LRRC3B: variants seen among roughly 807,000 people sequenced by gnomAD.
LRRC3B encodes leucine-rich repeat-containing protein 3B.
Under a neutral mutation model 12.8 loss-of-function variants are expected in LRRC3B, and 2 were observed. The observed-to-expected ratio is 0.16, with a 90% confidence interval of 0.06 to 0.49. The LOEUF is 0.49. Ranked by LOEUF, LRRC3B falls within the 20% of genes least tolerant of loss-of-function variation. The probability of loss-of-function intolerance (pLI) is 0.96; values close to 1 mark genes in which losing one functional copy is unlikely to be tolerated. For synonymous variants in LRRC3B, 132 were observed against 122.0 expected (o/e 1.08, Z -0.54); for missense variants, 189 against 319.4 (o/e 0.59, Z 3.11).
At chr3:26,643,015 C>CAAA (rs745665933) in intron 1 of LRRC3B, among the ~76,000 whole-genome samples, 3 of 142,548 alleles carry the variant, frequency 2.1e-5, no homozygotes, top group African/African-American at 8.0e-5. Context: ...GACTCCGTTT[C>CAAA]AAAAAAAAAA....
intron 1 of LRRC3B, among the ~76,000 whole-genome samples, chr3:26,653,082 C>T (rs1353448770): frequency 7.0e-6 from 1 of 142,038 alleles, no homozygotes; most frequent in African/African-American, 2.8e-5. Flanking sequence ...AAACCTTAGG[C>T]TGAGCTTGTG....
chr3:26,638,526 C>T (rs1698952535), intron 1 of LRRC3B, among the ~76,000 whole-genome samples: 1 of 152,022 alleles, frequency 6.6e-6, no homozygotes, highest in Non-Finnish European at 1.5e-5. Context: ...AAGTGTGAAT[C>T]AATACCTGAT....
intron 1 of LRRC3B, among the ~76,000 whole-genome samples, chr3:26,671,373 T>TAG (rs1195473054): frequency 0.014 from 400 of 28,258 alleles, 32 homozygotes; most frequent in African/African-American, 0.024. Context: ...TATATATATA[T>TAG]AGAGAGAGAG....
intron 1 of LRRC3B, among the ~76,000 whole-genome samples, chr3:26,634,619 T>G (rs1309870967): frequency 1.3e-5 from 2 of 152,192 alleles, no homozygotes; most frequent in African/African-American, 4.8e-5. Flanking sequence ...GGGGGAGGAT[T>G]CTCTGAAAAA....
intron 1 of LRRC3B, among the ~76,000 whole-genome samples, chr3:26,682,946 A>T (rs533280480): frequency 6.6e-6 from 1 of 152,222 alleles, no homozygotes; most frequent in African/African-American, 2.4e-5. Flanking sequence ...TTTCTCTCAC[A>T]GGCATTCTGC....
At chr3:26,700,518 T>G (rs1256113781) in intron 1 of LRRC3B, among the ~76,000 whole-genome samples, 2 of 152,202 alleles carry the variant, frequency 1.3e-5, no homozygotes, top group Non-Finnish European at 2.9e-5. Flanking sequence ...ATGTCCACTA[T>G]GTGTAATTGA....
intron 1 of LRRC3B, among the ~76,000 whole-genome samples, chr3:26,648,208 G>A (rs539173257): frequency 1.1e-3 from 167 of 151,976 alleles, no homozygotes; most frequent in Non-Finnish European, 2.1e-3. Flanking sequence ...AATTGTGGAG[G>A]GAAAGAAAGG....
intron 1 of LRRC3B, among the ~76,000 whole-genome samples, chr3:26,631,695 G>C (rs28694000): frequency 2.6e-5 from 4 of 151,210 alleles, no homozygotes; most frequent in African/African-American, 9.9e-5. Context: ...TGACCTTGTA[G>C]GGGTGGCAAC....
intron 1 of LRRC3B, among the ~76,000 whole-genome samples, chr3:26,682,088 C>T (rs909393237): frequency 6.6e-6 from 1 of 152,124 alleles, no homozygotes; most frequent in Non-Finnish European, 1.5e-5. Context: ...CCCTCTCTCT[C>T]TCAGAATAAC....
At chr3:26,691,105 G>GTATATATATATATA (rs1553605090) in intron 1 of LRRC3B, among the ~76,000 whole-genome samples, 2,479 of 84,598 alleles carry the variant, frequency 0.029, 89 homozygotes, top group East Asian at 0.048. Flanking sequence ...GTGTGTGTGT[G>GTATATATATATATA]TATATATATA....
intron 1 of LRRC3B, among the ~76,000 whole-genome samples, chr3:26,690,163 G>T (rs975112031): frequency 3.9e-5 from 6 of 152,152 alleles, no homozygotes; most frequent in Non-Finnish European, 7.3e-5. Context: ...TAGCAATTTG[G>T]TCATGATTCT....
intron 1 of LRRC3B, among the ~76,000 whole-genome samples, chr3:26,659,464 T>C (rs1306004696): frequency 6.6e-6 from 1 of 152,196 alleles, no homozygotes; most frequent in African/African-American, 2.4e-5. Flanking sequence ...AAAGTTTAAA[T>C]AAGATAATAC....
intron 1 of LRRC3B, among the ~76,000 whole-genome samples, chr3:26,646,755 CCT>C (rs1206515930): frequency 6.6e-6 from 1 of 151,994 alleles, no homozygotes; most frequent in Non-Finnish European, 1.5e-5. Context: ...TTCTATTTCC[CCT>C]GTTTCCACCT....
chr3:26,636,824 CCCTCCCTCCCTCCCTG>C (rs1164633517), intron 1 of LRRC3B, among the ~76,000 whole-genome samples: 3 of 73,668 alleles, frequency 4.1e-5, no homozygotes, highest in Non-Finnish European at 7.6e-5. Context: ...CTCCCTCCCT[CCCTCCCTCCCTCCCTG>C]CCTCCCTCCC....
At chr3:26,661,828 T>A (rs1699498047) in intron 1 of LRRC3B, among the ~76,000 whole-genome samples, 1 of 152,208 alleles carries the variant, frequency 6.6e-6, no homozygotes, top group African/African-American at 2.4e-5. Flanking sequence ...CTTTTCTGTA[T>A]TTCTTTAGAT....
exon 1 of LRRC3B, chr3:26,622,948 G>C (rs1325480362): frequency 6.6e-6 from 1 of 151,730 alleles, no homozygotes; most frequent in Non-Finnish European, 1.5e-5. Flanking sequence ...TGCCCCGCAC[G>C]GCCGCCCGGG....
chr3:26,698,807 GAAC>G (rs2125456703), intron 1 of LRRC3B, among the ~76,000 whole-genome samples: 1 of 152,096 alleles, frequency 6.6e-6, no homozygotes, highest in East Asian at 1.9e-4. Flanking sequence ...TTCCTCTTAA[GAAC>G]AACTACCTCC....
chr3:26,687,670 C>T (rs1449728992), intron 1 of LRRC3B, among the ~76,000 whole-genome samples: 6 of 152,136 alleles, frequency 3.9e-5, no homozygotes, highest in Admixed American at 3.9e-4. Flanking sequence ...GAGCTGCAGC[C>T]TCCTCCCTTT....
At chr3:26,644,049 G>C (rs549851851) in intron 1 of LRRC3B, among the ~76,000 whole-genome samples, 1 of 152,242 alleles carries the variant, frequency 6.6e-6, no homozygotes, top group Admixed American at 6.6e-5. Context: ...TTATTTTTTG[G>C]TATTTACATA....
Sources: gnomAD v4.1 joint callset for allele counts (sites outside exome capture counted in the v4.1 genomes callset) on GRCh38, gnomAD v4.1.1 for gene constraint, MANE v1.5 for transcripts, NCBI Gene and HGNC (gene_info 2026-07-23, HGNC 2026-07-21) for gene names.